Variants in CHRM5 observed in about 807,000 individuals in gnomAD.
CHRM5 encodes muscarinic acetylcholine receptor M5.
CHRM5 carries 18 observed loss-of-function variants against 39.0 expected under a neutral mutation model. That is an observed-to-expected ratio of 0.46 (90% CI 0.32 to 0.68). The LOEUF (loss-of-function observed/expected upper bound fraction) is 0.68. CHRM5 is among the 30% of genes least tolerant of loss of function. The pLI, the probability that CHRM5 is intolerant of heterozygous loss-of-function variation, is 0.04. For synonymous variants in CHRM5, 241 were observed against 246.3 expected, an observed-to-expected ratio of 0.98 and a Z score of 0.20; for missense variants, 515 against 651.1, an observed-to-expected ratio of 0.79 and a Z score of 2.28.
In CHRM5 at chr15:34,024,871, G is replaced by A. The variant is rs1163643749; in HGVS notation, c.-407-21669G>A. On this transcript the variant is annotated intron_variant, in intron 1 of 2. Transcript: ENST00000383263. ...GCAAGACTCCTTCTCAAAAAAAAAAGGAAAAAATAAAAAGAAAGAAAGGTG... is the reference window on the plus strand; with the variant it reads ...GCAAGACTCCTTCTCAAAAAAAAAAAGAAAAAATAAAAAGAAAGAAAGGTG... Among the ~76,000 whole-genome samples, 4 of 127,462 alleles carry A rather than the reference G, an allele frequency of 3.1e-5. No homozygotes were observed. In the South Asian group the frequency reaches 1.0e-3, roughly 33 times the overall value. The allele number at this position is 127,462 out of a possible 152,430, so 83.6% of individuals were successfully genotyped here.
rs1019440264 is a variant in CHRM5 at position 34,063,085 on chromosome 15, T to A, written c.368T>A (p.Val123Glu). 6.2e-7 allele frequency: 1 copy of A among 1,614,088 alleles called. No individual in the cohort carries two copies. The highest frequency in any genetic ancestry group is 8.5e-7 in the Non-Finnish European group (1 of 1,180,044). ...ASNASVMNLL[V>E]ISFDRYFSIT... ...AACGCTTCTGTCATGAACCTTCTGG[T>A]GATCAGTTTTGACCGTTACTTTTCC... The change falls in exon 3 of 3, where the codon GTG becomes GAG. Residue 123 changes from valine (V) to glutamate (E), a missense_variant. Transcript: ENST00000383263. The surrounding 1 kb of genome is among the most constrained non-coding windows in gnomAD (Gnocchi z 4.1).
intron 2 of CHRM5, among the ~76,000 whole-genome samples, chr15:34,050,752 G>A (rs1899900885): frequency 6.6e-6 from 1 of 152,172 alleles, no homozygotes; most frequent in African/African-American, 2.4e-5. Context: ...AAAAGAGAAA[G>A]AAGGGCATTA....
Position 34,063,837 on chromosome 15 carries a change from CA to C in CHRM5, c.1121del (p.Gln374ArgfsTer12). ...SPAAAHRPKS[Q>X]KCVAYKFRLV... ...AGCAGCTGCTCATAGACCCAAGAGTCAGAAATGTGTGGCCTATAAGTTCCGA... is the reference window on the plus strand; with the variant it reads ...AGCAGCTGCTCATAGACCCAAGAGTCGAAATGTGTGGCCTATAAGTTCCGA... On this transcript the variant is annotated frameshift_variant, in exon 3 of 3. Coordinates refer to ENST00000383263, the MANE Select transcript of CHRM5 (RefSeq NM_012125.4). LOFTEE classifies it high-confidence loss of function. This position sits in a 1 kb window ranked among gnomAD's most constrained non-coding sequence, Gnocchi z 4.1. 1 of 1,614,154 alleles carries C rather than the reference CA, an allele frequency of 6.2e-7. No homozygotes were observed. Among genetic ancestry groups the C allele is most frequent in the South Asian group, 1.1e-5 (1 of 91,076 alleles).
At chr15:34,027,819 G>A (rs1385534016) in intron 1 of CHRM5, among the ~76,000 whole-genome samples, 2 of 81,732 alleles carry the variant, frequency 2.4e-5, no homozygotes, top group Non-Finnish European at 5.9e-5. Context: ...AGGATCAGGT[G>A]AGGCTCAAAA....
chr15:34,050,936 G>A (rs991807910), intron 2 of CHRM5, among the ~76,000 whole-genome samples: 2 of 152,132 alleles, frequency 1.3e-5, no homozygotes, highest in Admixed American at 1.3e-4. Flanking sequence ...ATATTAGACA[G>A]ATCACTGAGA....
At chr15:34,016,935 C>T (rs1224686551) in intron 1 of CHRM5, among the ~76,000 whole-genome samples, 3 of 152,044 alleles carry the variant, frequency 2.0e-5, no homozygotes, top group African/African-American at 7.2e-5. Flanking sequence ...TCAAGATCAG[C>T]CCGGACAACA....
intron 1 of CHRM5, among the ~76,000 whole-genome samples, chr15:34,024,764 G>C (rs541079369): frequency 6.6e-6 from 1 of 151,820 alleles, no homozygotes; most frequent in African/African-American, 2.4e-5. Flanking sequence ...AGGAGGCTGA[G>C]GCAGGAGAAT....
Sources: gnomAD v4.1 joint callset for allele counts (sites outside exome capture counted in the v4.1 genomes callset) on GRCh38, gnomAD v4.1.1 for gene constraint, Gnocchi (gnomAD v3.1) non-coding constraint, MANE v1.5 for transcripts, NCBI Gene and HGNC (gene_info 2026-07-23, HGNC 2026-07-21) for gene names.